PRPF6: variants seen among roughly 807,000 people sequenced by gnomAD.
PRPF6 encodes the protein pre-mRNA-processing factor 6.
Under a neutral mutation model 118.3 loss-of-function variants are expected in PRPF6, and 42 were observed. That is an observed-to-expected ratio of 0.35 (90% CI 0.28 to 0.46). The LOEUF (loss-of-function observed/expected upper bound fraction) is 0.46, where lower values mean the gene tolerates loss of function less well. PRPF6 is among the 20% of genes least tolerant of loss of function. PRPF6 has a pLI of 1.00. For missense variants in PRPF6, 662 were observed against 1,255.7 expected (o/e 0.53, Z 7.15); for synonymous variants, 481 against 485.1 (o/e 0.99, Z 0.11).
In PRPF6 at chr20:63,998,499, C is replaced by T. The variant is rs184784459; in HGVS notation, c.772-546C>T. Among the ~76,000 whole-genome samples the T allele has an allele frequency of 4.0e-3, 605 of 151,736 alleles. 4 individuals are homozygous for T. Among genetic ancestry groups the T allele is most frequent in the African/African-American group, 0.014 (580 of 41,346 alleles). ...GCACTGAGCTATGATTGCCACTGCA[C>T]TCCTGCTTGGGTGACAGAGTGAGAC... is the stretch of plus-strand genomic sequence containing the variant. On this transcript the variant is annotated intron_variant, in intron 6 of 20. Coordinates refer to ENST00000266079, the MANE Select transcript of PRPF6 (RefSeq NM_012469.4).
At position 63,999,119 on chromosome 20, in the gene PRPF6, G is replaced by T; in HGVS notation, c.846G>T (p.Pro282=). 1 of 1,613,846 alleles carries T rather than the reference G, an allele frequency of 6.2e-7. No individual in the cohort carries two copies. The highest frequency in any genetic ancestry group is 8.5e-7 in the Non-Finnish European group (1 of 1,179,880). Reference sequence around the variant, plus strand: ...TGACGGATTTAAATTCCATGATCCCGACACACGGAGGAGACATCAAGTGAG... The same window carrying T: ...TGACGGATTTAAATTCCATGATCCCTACACACGGAGGAGACATCAAGTGAG... The part of the protein sequence containing the change: ...GYLTDLNSMI[P]THGGDINDIK... Residue 282 remains proline, a synonymous_variant, in exon 7 of 21, where the codon CCG becomes CCT. Transcript: ENST00000266079.
At chr20:63,997,492 C>T (rs1174433979) in intron 6 of PRPF6, among the ~76,000 whole-genome samples, 2 of 150,286 alleles carry the variant, frequency 1.3e-5, no homozygotes, top group African/African-American at 2.4e-5. Flanking sequence ...AGCCTGGCAC[C>T]GTCACCCGAG....
chr20:63,997,451 C>T (rs1318078991), intron 6 of PRPF6, among the ~76,000 whole-genome samples: 1 of 147,886 alleles, frequency 6.8e-6, no homozygotes, highest in Non-Finnish European at 1.5e-5. Context: ...CCACCAAGCC[C>T]AGCTAATTTT....
In PRPF6 at chr20:64,011,569, C is replaced by T. The variant is rs1018231952; in HGVS notation, c.1524+66C>T. On this transcript the variant is annotated intron_variant, in intron 11 of 20. Coordinates refer to ENST00000266079, the MANE Select transcript of PRPF6 (RefSeq NM_012469.4). This position sits in a 1 kb window ranked among gnomAD's most constrained non-coding sequence, Gnocchi z 6.7. ...GCACATGCAGCACGTGAGAGTCCCA[C>T]GCAGGACTGGGGGTTGCTGGATGGT... 248 of 1,516,680 alleles carry T rather than the reference C, an allele frequency of 1.6e-4. No individual in the cohort carries two copies. Among genetic ancestry groups the T allele is most frequent in the Non-Finnish European group, 2.1e-4 (236 of 1,118,756 alleles). The allele number at this position is 1,516,680 out of a possible 1,614,324, so 94.0% of individuals were successfully genotyped here. A position where few individuals can be genotyped will look rare whatever the true frequency, so the allele number is the denominator to read the frequency against.
At chr20:64,000,174 C>G (rs1346128536) in intron 8 of PRPF6, among the ~76,000 whole-genome samples, 1 of 152,066 alleles carries the variant, frequency 6.6e-6, no homozygotes, top group Non-Finnish European at 1.5e-5. Flanking sequence ...TTATAAAGAG[C>G]TCAGTTGGTC....
intron 1 of PRPF6, among the ~76,000 whole-genome samples, chr20:63,981,687 G>A (rs1335335126): frequency 2.2e-5 from 3 of 137,818 alleles, no homozygotes; most frequent in Admixed American, 1.6e-4. Context: ...AGCGTGCCTG[G>A]GTCCTCTATG....
At chr20:63,994,852 G>T (rs1460311304) in intron 4 of PRPF6, 64 bp from the exon 5 acceptor site, 10 of 1,602,498 alleles carry the variant, frequency 6.2e-6, no homozygotes, top group Non-Finnish European at 8.5e-6. Flanking sequence ...AGAGGGCATG[G>T]TCCTACCTGG....
intron 12 of PRPF6, among the ~76,000 whole-genome samples, chr20:64,017,280 C>G (rs1352926016): frequency 2.1e-5 from 3 of 144,596 alleles, no homozygotes; most frequent in Non-Finnish European, 4.4e-5. Flanking sequence ...AGCCGCCATG[C>G]CTGGCCTCCC....
At chr20:64,025,583 A>G (rs2059285855) in intron 14 of PRPF6, among the ~76,000 whole-genome samples, 1 of 152,158 alleles carries the variant, frequency 6.6e-6, no homozygotes, top group African/African-American at 2.4e-5. Flanking sequence ...GTTGCGTGTG[A>G]TGAGTCTACC....
chr20:63,999,279 A>G lies in PRPF6; in HGVS notation c.866+140A>G, dbSNP rs1601516615. 12 of 785,830 alleles carry G rather than the reference A, an allele frequency of 1.5e-5. No individual in the cohort carries two copies. The East Asian group carries it at 3.2e-4, about 21-fold the overall frequency. 48.7% of individuals were successfully genotyped at this position (785,830 alleles called of 1,614,324 possible). A position where few individuals can be genotyped will look rare whatever the true frequency, so the allele number is the denominator to read the frequency against. Reference sequence around the variant, plus strand: ...TAAAGTGGAGTAGTTTGTTTTTTCCATTTGAAATGTATCTGTATCCATTCA... The same window carrying G: ...TAAAGTGGAGTAGTTTGTTTTTTCCGTTTGAAATGTATCTGTATCCATTCA... On this transcript the variant is annotated intron_variant, in intron 7 of 20. Transcript: ENST00000266079.
rs2059316118 is a variant in PRPF6, at chr20:64,031,852, T to C, written c.2547-66T>C. The C allele has an allele frequency of 1.9e-6, 3 of 1,611,264 alleles. No homozygotes were observed. In the East Asian group the frequency reaches 6.7e-5, roughly 36 times the overall value. On this transcript the variant is annotated intron_variant, in intron 19 of 20. Coordinates refer to ENST00000266079, the MANE Select transcript of PRPF6 (RefSeq NM_012469.4). ...GATGAAGCTGATGGCCCTGAAGCCG[T>C]TCCCCTGCCCCAGAATACCGTCCTG...
At chr20:63,982,656 G>C (rs2059076231) in intron 1 of PRPF6, among the ~76,000 whole-genome samples, 1 of 152,190 alleles carries the variant, frequency 6.6e-6, no homozygotes, top group African/African-American at 2.4e-5. Flanking sequence ...TGGGGAAAGT[G>C]GGAGAGGGAG....
chr20:64,016,763 G>C lies in PRPF6; in HGVS notation c.1565G>C (p.Cys522Ser). Residue 522 changes from cysteine to serine, a missense_variant, in exon 12 of 21, where the codon TGC (cysteine) becomes TCC (serine). By Grantham distance (112) the Cys-to-Ser change is moderately radical. Around this residue, in one of 10 missense-constraint regions of PRPF6, gnomAD observed 189 missense variants for 323.5 expected, o/e 0.58. Coordinates refer to ENST00000266079, the MANE Select transcript of PRPF6 (RefSeq NM_012469.4). ...ECDRAGSVAT[C>S]QAVMRAVIGI... ...GACAGGGCTGGGAGTGTGGCCACCT[G>C]CCAGGCCGTCATGCGTGCCGTGATT... 6.2e-7 allele frequency: 1 copy of C among 1,614,102 alleles called. No homozygotes were observed. The highest frequency in any genetic ancestry group is 1.6e-4 in the Middle Eastern group (1 of 6,062).
chr20:64,024,787 G>A, intron 14 of PRPF6, 94 bp downstream of exon 14: 1 of 1,520,388 alleles, frequency 6.6e-7, no homozygotes. Context: ...CATACAATGT[G>A]GCACGTGCTG....
At chr20:64,014,164 TCCTGAGCTCAGATGATCCACCTG>T (rs1452043334) in intron 11 of PRPF6, among the ~76,000 whole-genome samples, 2 of 151,960 alleles carry the variant, frequency 1.3e-5, no homozygotes, top group African/African-American at 4.8e-5. Context: ...GGTCTCAAAC[TCCTGAGCTCAGATGATCCACCTG>T]CCTCGGCCTC....
At chr20:64,007,776 A>G (rs142952050) in intron 9 of PRPF6, among the ~76,000 whole-genome samples, 1 of 151,728 alleles carries the variant, frequency 6.6e-6, no homozygotes, top group East Asian at 2.0e-4. Flanking sequence ...TGCCTGGCCT[A>G]ATTTCTTTTT....
intron 8 of PRPF6, among the ~76,000 whole-genome samples, chr20:64,000,703 G>C (rs1356900867): frequency 6.6e-6 from 1 of 151,816 alleles, no homozygotes; most frequent in Non-Finnish European, 1.5e-5. Context: ...TGAGTACCTG[G>C]GATTATAGGC....
Position 64,026,851 on chromosome 20 carries a change from A to C in PRPF6, c.2029-131A>C. 1.1e-6 allele frequency: 1 copy of C among 947,878 alleles called. No individual in the cohort carries two copies. Among genetic ancestry groups the C allele is most frequent in the Non-Finnish European group, 1.7e-6 (1 of 596,538 alleles). The allele number at this position is 947,878 out of a possible 1,614,324, so 58.7% of individuals were successfully genotyped here. A position where few individuals can be genotyped will look rare whatever the true frequency, so the allele number is the denominator to read the frequency against. On this transcript the variant is annotated intron_variant, in intron 15 of 20. Coordinates refer to ENST00000266079, the MANE Select transcript of PRPF6 (RefSeq NM_012469.4). The surrounding 1 kb of genome is among the most constrained non-coding windows in gnomAD (Gnocchi z 4.4). ...ATATATTTATCCCCACCTTTTGTGT[A>C]CACAAACAGGCTATGAAAAGCTTAC...
At chr20:63,996,397 T>C (rs2059141362) in intron 6 of PRPF6, among the ~76,000 whole-genome samples, 1 of 152,102 alleles carries the variant, frequency 6.6e-6, no homozygotes, top group South Asian at 2.1e-4. Flanking sequence ...ACATACAGCC[T>C]TGACCTCCCT....
Sources: gnomAD v4.1 joint callset for allele counts (sites outside exome capture counted in the v4.1 genomes callset) on GRCh38, gnomAD v4.1.1 for gene constraint, gnomAD v4.1.1 regional missense constraint, Gnocchi (gnomAD v3.1) non-coding constraint, MANE v1.5 for transcripts, NCBI Gene and HGNC (gene_info 2026-07-23, HGNC 2026-07-21) for gene names.